The following FHAD1 variants were observed in gnomAD, a reference collection of about 807,000 sequenced individuals.
The protein encoded by FHAD1 is forkhead associated phosphopeptide binding domain 1.
Under a neutral mutation model 191.3 loss-of-function variants are expected in FHAD1, and 146 were observed. The observed-to-expected ratio is 0.76, with a 90% confidence interval of 0.67 to 0.88. The LOEUF is 0.88. Among genes scored for constraint, FHAD1 ranks in the 40% least tolerant of loss-of-function variants. The pLI, the probability that FHAD1 is intolerant of heterozygous loss-of-function variation, is 0.00. For synonymous variants in FHAD1, 616 were observed against 672.3 expected, an observed-to-expected ratio of 0.92 and a Z score of 1.29; for missense variants, 1,635 against 1,785.8, an observed-to-expected ratio of 0.92 and a Z score of 1.52.
At chr1:15,251,930 C>G (rs747308772) in intron 2 of FHAD1, 53 bp downstream of exon 2, 1 of 1,430,356 alleles carries the variant, frequency 7.0e-7, no homozygotes, top group Non-Finnish European at 9.6e-7. Context: ...TTCCTTCTCC[C>G]TCTCTAACAG....
chr1:15,301,060 C>G, intron 5 of FHAD1, 145 bp from the exon 6 acceptor site: 2 of 638,736 alleles, frequency 3.1e-6, no homozygotes, highest in Admixed American at 5.9e-5. Context: ...GAACTCCTGA[C>G]CTCAGGCGAT....
chr1:15,386,643 C>T (rs1702153566), intron 31 of FHAD1, among the ~76,000 whole-genome samples: 1 of 152,224 alleles, frequency 6.6e-6, no homozygotes, highest in Non-Finnish European at 1.5e-5. Flanking sequence ...GGGGCTTGGC[C>T]ACAGCTTTGC....
intron 25 of FHAD1, among the ~76,000 whole-genome samples, chr1:15,367,823 T>C (rs1696951678): frequency 6.6e-6 from 1 of 152,116 alleles, no homozygotes; most frequent in South Asian, 2.1e-4. Context: ...TAAATGCCAC[T>C]TCCTCCAGGA....
intron 18 of FHAD1, 30 bp downstream of exon 18, chr1:15,345,553 C>T (rs1361943510): frequency 6.6e-7 from 1 of 1,523,756 alleles, no homozygotes; most frequent in South Asian, 1.2e-5. Context: ...GTCGGCTGAG[C>T]CCCAGTCGGC....
At chr1:15,359,845 G>A (rs1694121999) in intron 21 of FHAD1, among the ~76,000 whole-genome samples, 1 of 152,192 alleles carries the variant, frequency 6.6e-6, no homozygotes, top group Non-Finnish European at 1.5e-5. Context: ...AGCTACTCAG[G>A]AGGCTGAGGC....
At chr1:15,295,785 G>A (rs960199981) in intron 4 of FHAD1, among the ~76,000 whole-genome samples, 2 of 152,268 alleles carry the variant, frequency 1.3e-5, no homozygotes, top group Middle Eastern at 6.8e-3. Context: ...CATAAATAAG[G>A]CTTCGAGGGC....
rs1460111149 is a variant in FHAD1, at chr1:15,308,724, G to A, written c.1027G>A (p.Ala343Thr). Residue 343 changes from alanine (A) to threonine (T), a missense_variant, in exon 7 of 34, where the codon GCT becomes ACT. Coordinates refer to ENST00000688493, the MANE Select transcript of FHAD1 (RefSeq NM_001391957.1). ...NEGENLKRDN[A>T]ITSGMVSSLQ... ...GGGCGAGAACTTAAAGAGAGACAACGCTATCACATCAGGTGAGCCCTTGGA... is the reference window on the plus strand; with the variant it reads ...GGGCGAGAACTTAAAGAGAGACAACACTATCACATCAGGTGAGCCCTTGGA... 55 of 1,551,540 alleles carry A rather than the reference G, an allele frequency of 3.5e-5. No individual in the cohort carries two copies. Among genetic ancestry groups the A allele is most frequent in the Non-Finnish European group, 4.7e-5 (54 of 1,146,980 alleles).
At chr1:15,400,596 T>C (rs549277302), downstream of FHAD1, among the ~76,000 whole-genome samples, 77 of 152,344 alleles carry the variant, frequency 5.1e-4, no homozygotes, top group Middle Eastern at 3.4e-3. Context: ...GGGCAGGTGC[T>C]CTTCTAGAGG....
At chr1:15,305,378 G>A (rs757540756) in intron 6 of FHAD1, among the ~76,000 whole-genome samples, 2 of 152,100 alleles carry the variant, frequency 1.3e-5, no homozygotes, top group Non-Finnish European at 2.9e-5. Context: ...CATGCTCCAC[G>A]GCCTCAGGCT....
chr1:15,326,925 C>A, intron 11 of FHAD1, 134 bp from the exon 12 acceptor site: 1 of 609,250 alleles, frequency 1.6e-6, no homozygotes, highest in Non-Finnish European at 3.0e-6. Flanking sequence ...GGTGAAGATT[C>A]TGATAACGCG....
chr1:15,328,484 C>A, intron 13 of FHAD1, 55 bp downstream of exon 13: 1 of 1,323,472 alleles, frequency 7.6e-7, no homozygotes, highest in East Asian at 3.0e-5. Flanking sequence ...TTTTGTGCGG[C>A]TTATTTGGGA....
In FHAD1 at chr1:15,387,994, C is replaced by T. The variant is rs939834874; in HGVS notation, c.4189-57C>T. ...CTCAGAGGCCTGTCCCAGATTGGAA[C>T]GGGTAAGGACACACTAAGGTTAGCA... is the stretch of plus-strand genomic sequence containing the variant. On this transcript the variant is annotated intron_variant, in intron 31 of 33. Coordinates refer to ENST00000688493, the MANE Select transcript of FHAD1 (RefSeq NM_001391957.1). 13 of 1,000,682 alleles carry T rather than the reference C, an allele frequency of 1.3e-5. No homozygotes were observed. The Admixed American group carries it at 1.4e-4, about 11-fold the overall frequency. The allele number at this position is 1,000,682 out of a possible 1,614,324, so 62.0% of individuals were successfully genotyped here.
chr1:15,360,369 C>G, intron 21 of FHAD1, 109 bp from the exon 22 acceptor site: 1 of 899,144 alleles, frequency 1.1e-6, no homozygotes, highest in Non-Finnish European at 1.7e-6. Flanking sequence ...TGTGCTAAGG[C>G]CCTGGGGTGG....
intron 23 of FHAD1, among the ~76,000 whole-genome samples, chr1:15,365,026 A>G (rs958924769): frequency 6.6e-6 from 1 of 152,178 alleles, no homozygotes; most frequent in Admixed American, 6.5e-5. Flanking sequence ...TGCCTGGGCC[A>G]CACTTCCACT....
At chr1:15,342,666 C>T (rs1284235995) in intron 16 of FHAD1, among the ~76,000 whole-genome samples, 2 of 151,820 alleles carry the variant, frequency 1.3e-5, no homozygotes, top group African/African-American at 4.8e-5. Context: ...AGAGTTGGCC[C>T]TTTTTTTTCT....
In FHAD1 at chr1:15,381,278, T is replaced by A; in HGVS notation, c.3849T>A (p.Asn1283Lys). ...TCGGAAGTCTCATGAACATCAAGAA[T>A]ATGTCAGGCCACGTGTCCATGAAAT... ...KTLGSLMNIK[N>K]MSGHVSMKYL... The change falls in exon 30 of 34, where the codon AAT becomes AAA. Residue 1283 changes from asparagine to lysine, a missense_variant. Asn to Lys is a moderately conservative substitution (Grantham distance 94). Coordinates refer to ENST00000688493, the MANE Select transcript of FHAD1 (RefSeq NM_001391957.1). The surrounding 1 kb of genome is among the most constrained non-coding windows in gnomAD (Gnocchi z 4.6). 1 of 1,551,646 alleles carries A rather than the reference T, an allele frequency of 6.4e-7. No individual in the cohort carries two copies. Among genetic ancestry groups the A allele is most frequent in the Admixed American group, 2.0e-5 (1 of 50,994 alleles).
chr1:15,296,801 A>T lies in FHAD1; in HGVS notation c.678+8A>T. The T allele has an allele frequency of 6.5e-7, 1 of 1,549,510 alleles. No homozygotes were observed. The highest frequency in any genetic ancestry group is 1.7e-4 in the Middle Eastern group (1 of 5,966). On this transcript the variant is annotated splice_region_variant and intron_variant, in intron 5 of 33. Transcript: ENST00000688493. ...TTGGCCCAGCAGGACAAGGTGAGGGAGGGGTCTGGGGAAGGGTGGAGCTGC... is the reference window on the plus strand; with the variant it reads ...TTGGCCCAGCAGGACAAGGTGAGGGTGGGGTCTGGGGAAGGGTGGAGCTGC...
chr1:15,251,327 CAGAG>C (rs1200238838), intron 1 of FHAD1, among the ~76,000 whole-genome samples: 1 of 151,156 alleles, frequency 6.6e-6, no homozygotes, highest in African/African-American at 2.4e-5. Flanking sequence ...AACTGAGTCA[CAGAG>C]AGAGAATAAG....
chr1:15,244,695 A>G (rs1205375129), upstream of FHAD1, among the ~76,000 whole-genome samples: 2 of 152,236 alleles, frequency 1.3e-5, no homozygotes, highest in African/African-American at 4.8e-5. This position sits in a 1 kb window ranked among gnomAD's most constrained non-coding sequence, Gnocchi z 5.1. Context: ...CTGGTGGCAC[A>G]GCAGCAAACA....
Sources: gnomAD v4.1 joint callset for allele counts (sites outside exome capture counted in the v4.1 genomes callset) on GRCh38, gnomAD v4.1.1 for gene constraint, Gnocchi (gnomAD v3.1) non-coding constraint, MANE v1.5 for transcripts, NCBI Gene and HGNC (gene_info 2026-07-23, HGNC 2026-07-21) for gene names.